The following CREBRF variants were observed in gnomAD, a reference collection of about 807,000 sequenced individuals.
The protein encoded by CREBRF is UPF0474 protein C5orf41.
In CREBRF, 5 loss-of-function variants were observed where a neutral mutation model predicts 66.1. The ratio of observed to expected loss-of-function variants is 0.08; its 90% CI spans 0.04 to 0.16. CREBRF has a LOEUF of 0.16. CREBRF is among the 10% of genes least tolerant of loss of function. CREBRF has a pLI of 1.00. For synonymous variants in CREBRF, 229 were observed against 264.4 expected (o/e 0.87, Z 1.30); for missense variants, 531 against 744.9 (o/e 0.71, Z 3.34).
chr5:173,092,096 A>T, intron 4 of CREBRF: 1 of 791,130 alleles, frequency 1.3e-6, no homozygotes, highest in Non-Finnish European at 1.5e-6. Flanking sequence ...ACAACAAAAA[A>T]TAATAAATAA....
chr5:173,092,254 T>G, intron 4 of CREBRF: 1 of 977,884 alleles, frequency 1.0e-6, no homozygotes, highest in Non-Finnish European at 1.2e-6. Flanking sequence ...GCATTTTCTT[T>G]GTGTCTGCTA....
At chr5:173,058,336 G>A (rs1475159578) in intron 1 of CREBRF, among the ~76,000 whole-genome samples, 1 of 152,114 alleles carries the variant, frequency 6.6e-6, no homozygotes, top group Non-Finnish European at 1.5e-5. Context: ...AGCTCTTGAT[G>A]GCATCTTTGG....
At chr5:173,073,224 A>G (rs528756109) in intron 1 of CREBRF, among the ~76,000 whole-genome samples, 127 of 152,350 alleles carry the variant, frequency 8.3e-4, no homozygotes, top group African/African-American at 3.0e-3. Context: ...GCATCCATTT[A>G]CTGAATGACC....
At chr5:173,131,583 A>G (rs1002880971) in intron 8 of CREBRF, among the ~76,000 whole-genome samples, 8 of 152,168 alleles carry the variant, frequency 5.3e-5, no homozygotes, top group Admixed American at 5.2e-4. Context: ...TTTTCTGGTA[A>G]GAATACATCA....
intron 8 of CREBRF, among the ~76,000 whole-genome samples, chr5:173,132,057 C>T (rs1171292934): frequency 1.3e-5 from 2 of 149,028 alleles, no homozygotes; most frequent in African/African-American, 2.5e-5. Context: ...CTTTTGACTT[C>T]TTCCTATGAG....
rs141550574 is a variant in CREBRF, at chr5:173,090,863, T to A, written c.684T>A (p.His228Gln). 20 of 1,614,050 alleles carry A rather than the reference T, an allele frequency of 1.2e-5. No homozygotes were observed. The highest frequency in any genetic ancestry group is 1.6e-5 in the Non-Finnish European group (19 of 1,180,036). ...ATCATAATGAAAAGGTGAACTTTCA[T>A]GTTGAATGTAAAGACTATGTAAAAA... ...NMYHNEKVNF[H>Q]VECKDYVKKA... The change falls in exon 4 of 9, where the codon CAT (histidine) becomes CAA (glutamine). Residue 228 changes from histidine to glutamine, a missense_variant. Coordinates refer to ENST00000296953, the MANE Select transcript of CREBRF (RefSeq NM_153607.3). This position sits in a 1 kb window ranked among gnomAD's most constrained non-coding sequence, Gnocchi z 4.5.
intron 4 of CREBRF, among the ~76,000 whole-genome samples, chr5:173,103,974 A>G (rs1471663132): frequency 3.3e-5 from 5 of 152,232 alleles, no homozygotes; most frequent in Non-Finnish European, 4.4e-5. Flanking sequence ...GAAAAGGGAA[A>G]GGCCTTAATA....
At chr5:173,109,222 A>T (rs1006978094) in intron 5 of CREBRF, 1 of 160,618 alleles carries the variant, frequency 6.2e-6, no homozygotes. Flanking sequence ...TTCAAACGGT[A>T]ATGGGGATAA....
At chr5:173,133,550 TCA>T (rs779229070) in intron 8 of CREBRF, 78 bp from the exon 9 acceptor site, 150 of 725,020 alleles carry the variant, frequency 2.1e-4, no homozygotes, top group Admixed American at 6.7e-4. Flanking sequence ...CACCTGAACC[TCA>T]GTTTTTACCA....
intron 7 of CREBRF, among the ~76,000 whole-genome samples, chr5:173,121,479 C>T (rs1327205259): frequency 2.6e-5 from 4 of 151,972 alleles, no homozygotes; most frequent in African/African-American, 9.7e-5. Context: ...CCTGCCACCA[C>T]GCCCAACTAA....
intron 8 of CREBRF, 125 bp from the exon 9 acceptor site, chr5:173,133,505 G>A: frequency 2.0e-6 from 1 of 507,576 alleles, no homozygotes; most frequent in Non-Finnish European, 3.6e-6. Context: ...AAGTGCCAGG[G>A]AATTCATTTG....
intron 6 of CREBRF, among the ~76,000 whole-genome samples, chr5:173,111,778 C>T (rs1174707210): frequency 1.3e-5 from 2 of 152,178 alleles, no homozygotes; most frequent in East Asian, 1.9e-4. Context: ...AATATCCAAG[C>T]ATATATGCTT....
chr5:173,084,987 G>T (rs965602187), intron 2 of CREBRF, among the ~76,000 whole-genome samples: 1 of 151,832 alleles, frequency 6.6e-6, no homozygotes, highest in African/African-American at 2.4e-5. Context: ...TTGTTGCCCA[G>T]ACTGGAGTGC....
In CREBRF at chr5:173,090,168, A is replaced by T. The variant is rs1044508167; in HGVS notation, c.136-147A>T. 4 of 535,432 alleles carry T rather than the reference A, an allele frequency of 7.5e-6. No individual in the cohort carries two copies. Among genetic ancestry groups the T allele is most frequent in the Non-Finnish European group, 1.3e-5 (4 of 303,212 alleles). The allele number at this position is 535,432 out of a possible 1,614,324, so 33.2% of individuals were successfully genotyped here. Reference sequence around the variant, plus strand: ...TTTTCTTGCCTAAGGAAATGATGACATTATATGAAATGATAAAGCGTCCTG... The same window carrying T: ...TTTTCTTGCCTAAGGAAATGATGACTTTATATGAAATGATAAAGCGTCCTG... On this transcript the variant is annotated intron_variant, in intron 3 of 8. Transcript: ENST00000296953. The surrounding 1 kb of genome is among the most constrained non-coding windows in gnomAD (Gnocchi z 4.5).
intron 2 of CREBRF, among the ~76,000 whole-genome samples, chr5:173,084,633 C>G (rs7449433): frequency 6.6e-6 from 1 of 150,708 alleles, no homozygotes; most frequent in South Asian, 2.1e-4. Context: ...GATTTTTTTT[C>G]TTTTTTATTT....
rs1581680010 is a variant in CREBRF at position 173,090,261 on chromosome 5, G to A, written c.136-54G>A. The A allele has an allele frequency of 1.4e-6, 2 of 1,418,154 alleles. No homozygotes were observed. Among genetic ancestry groups the A allele is most frequent in the East Asian group, 4.6e-5 (2 of 43,366 alleles). The allele number at this position is 1,418,154 out of a possible 1,614,324, so 87.8% of individuals were successfully genotyped here. ...ATTTATCAGTTTGACATATGGAGGTGAATATTTCCTTCTGAAATATGATGT... is the reference window on the plus strand; with the variant it reads ...ATTTATCAGTTTGACATATGGAGGTAAATATTTCCTTCTGAAATATGATGT... On this transcript the variant is annotated intron_variant, in intron 3 of 8. Transcript: ENST00000296953. This position sits in a 1 kb window ranked among gnomAD's most constrained non-coding sequence, Gnocchi z 4.5.
chr5:173,083,703 C>T (rs1758040060), intron 2 of CREBRF, among the ~76,000 whole-genome samples: 1 of 152,146 alleles, frequency 6.6e-6, no homozygotes. Flanking sequence ...AGGGAATTCT[C>T]TACTGATAGT....
Position 173,080,806 on chromosome 5 carries a change from C to T in CREBRF, c.9+22C>T, listed in dbSNP as rs766301906. ...TCAGGTAAATCATACAGAGTAGGTG[C>T]AAAGTTTTTTATTTTCCCACTACAG... On this transcript the variant is annotated intron_variant, in intron 2 of 8. Transcript: ENST00000296953. 4.3e-5 allele frequency: 70 copies of T among 1,610,372 alleles called. 2 individuals are homozygous for T. The South Asian group carries it at 7.3e-4, about 17-fold the overall frequency.
chr5:173,071,402 G>A (rs1208600537), intron 1 of CREBRF, among the ~76,000 whole-genome samples: 1 of 151,990 alleles, frequency 6.6e-6, no homozygotes. Flanking sequence ...TAGAGATGGG[G>A]TTTCATCATG....
Sources: allele counts gnomAD v4.1 joint callset (sites outside exome capture counted in the v4.1 genomes callset), GRCh38; gene constraint gnomAD v4.1.1; non-coding constraint Gnocchi (gnomAD v3.1); transcripts MANE v1.5; gene names NCBI Gene and HGNC (gene_info 2026-07-23, HGNC 2026-07-21).